The following NBPF20 variants were observed in gnomAD, a reference collection of about 807,000 sequenced individuals.
NBPF20 encodes the protein NBPF family member NBPF20.
Under a neutral mutation model 68.1 loss-of-function variants are expected in NBPF20, and 90 were observed. The ratio of observed to expected loss-of-function variants is 1.32; its 90% CI spans 1.11 to 1.58. NBPF20 has a LOEUF of 1.58. Among genes scored for constraint, NBPF20 ranks in the 40% most tolerant of loss-of-function variants. The probability of loss-of-function intolerance (pLI) is 0.00; values close to 1 mark genes in which losing one functional copy is unlikely to be tolerated. For missense variants in NBPF20, 816 were observed against 601.2 expected (o/e 1.36, Z -3.74); for synonymous variants, 290 against 228.1 (o/e 1.27, Z -2.45).
At chr1:145,291,633 C>G (rs1418521166) in exon 138 of NBPF20, 2 of 1,611,826 alleles carry the variant, frequency 1.2e-6, no homozygotes, top group Non-Finnish European at 1.7e-6. Context: ...TGCTGTTCCT[C>G]AAATGAGTAA....
chr1:145,291,930 A>G (rs1389455896), intron 137 of NBPF20, among the ~76,000 whole-genome samples, 161 bp from the exon 143 acceptor site: 1 of 151,890 alleles, frequency 6.6e-6, no homozygotes, highest in Non-Finnish European at 1.5e-5. Flanking sequence ...TTGGGATAGA[A>G]CAGGGCCAGG....
chr1:145,410,080 A>G (rs1309345202), upstream of NBPF20, among the ~76,000 whole-genome samples: 7 of 152,074 alleles, frequency 4.6e-5, 1 homozygote, highest in Non-Finnish European at 8.8e-5. Flanking sequence ...GATTTGTGTT[A>G]CGTTTAACCT....
At position 145,292,484 on chromosome 1, in the gene NBPF20, C is replaced by A. The variant is rs781807769; in HGVS notation, c.16594G>T (p.Glu5532Ter). Residue 5532 changes from glutamate (E) to a stop codon, truncating the protein, a stop_gained, in exon 137 of 138, where the codon GAA (glutamate) becomes TAA (stop). Coordinates refer to ENST00000369373, the Ensembl canonical transcript of NBPF20. LOFTEE classifies it high-confidence loss of function. ...CTTTTCTTCCCCTTCCCCTTCTTTT[C>A]AATTTCTGCAATAAATTCAGACATG... 1 of 712,928 alleles carries A rather than the reference C, an allele frequency of 1.4e-6. No homozygotes were observed. Among genetic ancestry groups the A allele is most frequent in the Admixed American group, 2.0e-5 (1 of 49,334 alleles). The allele number at this position is 712,928 out of a possible 1,614,324, so 44.2% of individuals were successfully genotyped here.
intron 8 of NBPF20, among the ~76,000 whole-genome samples, chr1:145,394,331 G>A (rs1184116452): frequency 8.6e-5 from 13 of 151,616 alleles, no homozygotes; most frequent in African/African-American, 3.2e-4. Flanking sequence ...GAGATTTGAT[G>A]AAGGGGTGCA....
At chr1:145,406,177 T>G (rs1350893523), upstream of NBPF20, among the ~76,000 whole-genome samples, 2 of 151,018 alleles carry the variant, frequency 1.3e-5, no homozygotes, top group African/African-American at 4.9e-5. Context: ...CCTCGTGATC[T>G]GCCGCCTCGG....
chr1:145,406,224 G>C (rs1363033713), upstream of NBPF20, among the ~76,000 whole-genome samples: 2 of 151,202 alleles, frequency 1.3e-5, no homozygotes, highest in African/African-American at 4.9e-5. Context: ...GTGAGCCACC[G>C]CGCCCGGCCG....
intron 8 of NBPF20, among the ~76,000 whole-genome samples, chr1:145,394,338 T>A (rs1481093674): frequency 6.6e-6 from 1 of 151,700 alleles, no homozygotes; most frequent in Admixed American, 6.6e-5. Flanking sequence ...GATGAAGGGG[T>A]GCAATGTACC....
At chr1:145,425,454 G>A in the NBPF20 span, among the ~76,000 whole-genome samples, 4 of 152,176 alleles carry the variant, frequency 2.6e-5, no homozygotes, top group Non-Finnish European at 4.4e-5. Flanking sequence ...CAGGTCGCCC[G>A]TCCCGCGTTC....
the NBPF20 span, among the ~76,000 whole-genome samples, chr1:145,417,962 G>A: frequency 8.5e-6 from 1 of 117,806 alleles, no homozygotes; most frequent in Non-Finnish European, 1.8e-5. Flanking sequence ...TACCCAAGAC[G>A]TCTTTCACCA....
At position 145,291,989 on chromosome 1, in the gene NBPF20, A is replaced by T. The variant is rs1265362847; in HGVS notation, c.16698-220T>A. 2.7e-5 allele frequency among the ~76,000 whole-genome samples: 4 copies of T among 148,948 alleles called. 1 individual carries two copies. Among genetic ancestry groups the T allele is most frequent in the African/African-American group, 1.0e-4 (4 of 38,348 alleles). ...CAGAGAGAGAGAGACAGAGACAGAGAGAGAGAGAAAGTGACCTAGTGAATT... is the reference window on the plus strand; with the variant it reads ...CAGAGAGAGAGAGACAGAGACAGAGTGAGAGAGAAAGTGACCTAGTGAATT... On this transcript the variant is annotated intron_variant, in intron 137 of 137. Coordinates refer to ENST00000369373, the Ensembl canonical transcript of NBPF20.
At chr1:145,413,509 A>G in the NBPF20 span, among the ~76,000 whole-genome samples, 1 of 152,206 alleles carries the variant, frequency 6.6e-6, no homozygotes, top group Non-Finnish European at 1.5e-5. Flanking sequence ...AACAAGATGG[A>G]TGAATCTCAA....
the NBPF20 span, among the ~76,000 whole-genome samples, chr1:145,410,905 TTG>T: frequency 3.1e-4 from 37 of 119,354 alleles, no homozygotes; most frequent in East Asian, 8.9e-4. Flanking sequence ...ACACACACGT[TTG>T]TGTGTGTGTG....
In NBPF20 at chr1:145,402,398, G is replaced by C. The variant is rs1284585358; in HGVS notation, c.279-17C>G. On this transcript the variant is annotated splice_polypyrimidine_tract_variant and intron_variant, in intron 3 of 137. Coordinates refer to ENST00000369373, the Ensembl canonical transcript of NBPF20. ...TTATATTGCCTAAGGTGAGACGGTA[G>C]AGAAAATTTAAGAGTGGAAAGGTTC... The C allele has an allele frequency of 1.9e-6, 3 of 1,602,384 alleles. No homozygotes were observed. The highest frequency in any genetic ancestry group is 2.7e-5 in the African/African-American group (2 of 74,638).
intron 129 of NBPF20, among the ~76,000 whole-genome samples, 197 bp from the exon 135 acceptor site, chr1:145,298,331 GACACAC>G (rs1347470195): frequency 2.9e-5 from 4 of 136,732 alleles, no homozygotes; most frequent in Non-Finnish European, 4.5e-5. Flanking sequence ...AAGACAGATA[GACACAC>G]ACACACACAC....
intron 5 of NBPF20, 92 bp downstream of exon 10, chr1:145,400,967 T>A: frequency 4.0e-6 from 6 of 1,518,564 alleles, no homozygotes; most frequent in Non-Finnish European, 5.5e-6. Context: ...AATGTGGGTT[T>A]TTGGCCGATC....
At chr1:145,292,309 C>T (rs1661172040) in intron 137 of NBPF20, 72 bp downstream of exon 142, 5 of 624,274 alleles carry the variant, frequency 8.0e-6, no homozygotes, top group Middle Eastern at 8.8e-4. Context: ...ATCAAACACA[C>T]TCTGGTTTCC....
rs587639760 is a variant in NBPF20 at position 145,291,348 on chromosome 1, A to G, written c.*178T>C. 1.8e-5 allele frequency: 24 copies of G among 1,336,344 alleles called. No homozygotes were observed. The East Asian group carries it at 4.6e-4, about 26-fold the overall frequency. 82.8% of individuals were successfully genotyped at this position (1,336,344 alleles called of 1,614,324 possible). ...AACGTGTCACACCTAACGTGGGTCC[A>G]TTGTCTTCAGACTGAGCACAGGTTG... is the stretch of plus-strand genomic sequence containing the variant. On this transcript the variant is annotated 3_prime_UTR_variant, in exon 138 of 138. Transcript: ENST00000369373.
chr1:145,399,939 C>T (rs1264844023), intron 6 of NBPF20, among the ~76,000 whole-genome samples: 4 of 151,970 alleles, frequency 2.6e-5, no homozygotes, highest in East Asian at 1.9e-4. Context: ...GACTGTGCAG[C>T]TAAGCAAGCT....
intron 8 of NBPF20, among the ~76,000 whole-genome samples, chr1:145,394,766 G>T (rs1296093763): frequency 6.6e-6 from 1 of 152,102 alleles, no homozygotes; most frequent in African/African-American, 2.4e-5. Context: ...CACGGGCATG[G>T]CCTGAGACTA....
Sources: allele counts gnomAD v4.1 joint callset (sites outside exome capture counted in the v4.1 genomes callset), GRCh38; gene constraint gnomAD v4.1.1; transcripts MANE v1.5; gene names NCBI Gene and HGNC (gene_info 2026-07-23, HGNC 2026-07-21).